GRM8: variants seen among roughly 807,000 people sequenced by gnomAD.
The protein encoded by GRM8 is metabotropic glutamate receptor 8.
A neutral mutation model predicts 87.2 loss-of-function variants in GRM8; 47 were observed. The ratio of observed to expected loss-of-function variants is 0.54; its 90% CI spans 0.43 to 0.69. The LOEUF is 0.69. Among genes scored for constraint, GRM8 ranks in the 30% least tolerant of loss-of-function variants. The pLI is 0.00. For synonymous variants in GRM8, 396 were observed against 404.5 expected (o/e 0.98, Z 0.25); for missense variants, 1,019 against 1,139.2 (o/e 0.89, Z 1.52).
intron 9 of GRM8, among the ~76,000 whole-genome samples, chr7:126,491,150 T>C (rs902789235): frequency 6.6e-6 from 1 of 152,064 alleles, no homozygotes; most frequent in Non-Finnish European, 1.5e-5. Context: ...CCAACCAAAC[T>C]GGCTTATCTT....
At chr7:126,634,972 T>C (rs1801704368) in intron 7 of GRM8, among the ~76,000 whole-genome samples, 1 of 152,152 alleles carries the variant, frequency 6.6e-6, no homozygotes, top group South Asian at 2.1e-4. Context: ...GACTCAAACC[T>C]GCCATCACTG....
At chr7:127,204,233 G>A (rs974645215) in intron 2 of GRM8, among the ~76,000 whole-genome samples, 6 of 152,064 alleles carry the variant, frequency 3.9e-5, no homozygotes, top group African/African-American at 1.2e-4. Context: ...CACAGCACAC[G>A]GCTTAACAAT....
chr7:126,610,273 C>A (rs1798786439), intron 7 of GRM8, among the ~76,000 whole-genome samples: 3 of 152,200 alleles, frequency 2.0e-5, no homozygotes, highest in Admixed American at 1.3e-4. Flanking sequence ...AAATGGATCA[C>A]CACCCCAATG....
intron 7 of GRM8, among the ~76,000 whole-genome samples, chr7:126,661,555 G>A (rs1159745788): frequency 2.0e-5 from 3 of 152,142 alleles, no homozygotes; most frequent in African/African-American, 4.8e-5. Context: ...AGCATGAATA[G>A]CCCCGGCTTC....
intron 8 of GRM8, among the ~76,000 whole-genome samples, chr7:126,575,478 C>T (rs906173827): frequency 4.6e-5 from 7 of 151,940 alleles, no homozygotes; most frequent in South Asian, 2.1e-4. Flanking sequence ...CATCCTGAAA[C>T]CATCCCTCTC....
chr7:126,446,228 C>G lies in GRM8; in HGVS notation c.2575G>C (p.Val859Leu). Residue 859 changes from valine to leucine, a missense_variant, in exon 10 of 11, where the codon GTG (valine) becomes CTG (leucine). Physicochemically the swap from Val to Leu is conservative, Grantham distance 32. Coordinates refer to ENST00000339582, the MANE Select transcript of GRM8 (RefSeq NM_000845.3). ...CTTTGCATGGTGGCAGCTGTCACCA[C>G]AGCCTTGAAGCTCCTCTTGCGTTTT... is the stretch of plus-strand genomic sequence containing the variant. ...VQKRKRSFKA[V>L]VTAATMQSKL... is the part of the protein sequence containing the mutation. 6.2e-7 allele frequency: 1 copy of G among 1,613,050 alleles called. No homozygotes were observed. Among genetic ancestry groups the G allele is most frequent in the Non-Finnish European group, 8.5e-7 (1 of 1,179,342 alleles).
chr7:127,047,445 C>T (rs1473013244), intron 3 of GRM8, among the ~76,000 whole-genome samples: 1 of 151,918 alleles, frequency 6.6e-6, no homozygotes, highest in East Asian at 1.9e-4. Flanking sequence ...TACCTTCTTT[C>T]ATGTTTACAT....
chr7:127,170,216 G>A (rs566111195), intron 2 of GRM8, among the ~76,000 whole-genome samples: 2 of 152,010 alleles, frequency 1.3e-5, no homozygotes, highest in Admixed American at 6.6e-5. Flanking sequence ...ATATACAAAC[G>A]GCCAACAAAC....
intron 7 of GRM8, among the ~76,000 whole-genome samples, chr7:126,748,602 G>GA (rs1298945335): frequency 2.5e-5 from 3 of 118,778 alleles, no homozygotes; most frequent in Non-Finnish European, 5.2e-5. Context: ...AGCAGGTCGG[G>GA]TTTTTTTTTT....
At chr7:126,516,819 T>A (rs1159057954) in intron 9 of GRM8, among the ~76,000 whole-genome samples, 1 of 152,150 alleles carries the variant, frequency 6.6e-6, no homozygotes, top group Non-Finnish European at 1.5e-5. Context: ...TCAAAGTTAA[T>A]TTCAACTATG....
intron 3 of GRM8, among the ~76,000 whole-genome samples, chr7:126,954,909 G>C (rs895311136): frequency 6.6e-6 from 1 of 152,142 alleles, no homozygotes; most frequent in African/African-American, 2.4e-5. Context: ...GCAAGGTAGA[G>C]AAAGAAGAAG....
rs17875006 is a variant in GRM8 at position 127,039,365 on chromosome 7, T to G, written c.727+67131A>C. 4.7e-3 allele frequency among the ~76,000 whole-genome samples: 708 copies of G among 152,028 alleles called. 10 individuals carry two copies. Among genetic ancestry groups the G allele is most frequent in the African/African-American group, 0.016 (658 of 41,458 alleles). On this transcript the variant is annotated intron_variant, in intron 3 of 10. Coordinates refer to ENST00000339582, the MANE Select transcript of GRM8 (RefSeq NM_000845.3). Reference sequence around the variant, plus strand: ...CGAAGACACAGGGAGAAAAGAACCATCTAAAAGCCAGAGAGGGAGGCCTCA... The same window carrying G: ...CGAAGACACAGGGAGAAAAGAACCAGCTAAAAGCCAGAGAGGGAGGCCTCA...
chr7:126,565,901 T>A (rs1206650108), intron 8 of GRM8, among the ~76,000 whole-genome samples: 1 of 152,142 alleles, frequency 6.6e-6, no homozygotes, highest in Non-Finnish European at 1.5e-5. Context: ...GGTCAAATGA[T>A]CTTCAGTGAG....
intron 6 of GRM8, among the ~76,000 whole-genome samples, chr7:126,775,636 C>T (rs945735631): frequency 6.6e-6 from 1 of 151,892 alleles, no homozygotes; most frequent in African/African-American, 2.4e-5. Context: ...GTGCACCTCC[C>T]ATACTGAAGA....
chr7:126,506,866 A>G (rs1810555835), intron 9 of GRM8, among the ~76,000 whole-genome samples: 1 of 152,112 alleles, frequency 6.6e-6, no homozygotes, highest in African/African-American at 2.4e-5. Context: ...ATATGTATGT[A>G]ACTGAAAGGC....
At chr7:126,924,469 G>A (rs1220319167) in intron 3 of GRM8, among the ~76,000 whole-genome samples, 4 of 152,112 alleles carry the variant, frequency 2.6e-5, no homozygotes, top group East Asian at 1.9e-4. Flanking sequence ...ACAGTAACTC[G>A]TGCAACATCA....
intron 2 of GRM8, among the ~76,000 whole-genome samples, chr7:127,174,476 C>A (rs990141988): frequency 6.6e-6 from 1 of 152,186 alleles, no homozygotes; most frequent in Non-Finnish European, 1.5e-5. Context: ...CTCCTGGTAG[C>A]CTAATTGGTC....
At chr7:127,213,323 C>T (rs1056370714) in intron 2 of GRM8, among the ~76,000 whole-genome samples, 1 of 152,188 alleles carries the variant, frequency 6.6e-6, no homozygotes, top group Non-Finnish European at 1.5e-5. Flanking sequence ...CTAGCCTAAA[C>T]TACTGAGATG....
intron 8 of GRM8, among the ~76,000 whole-genome samples, chr7:126,535,552 T>A (rs1190249594): frequency 6.6e-6 from 1 of 152,196 alleles, no homozygotes; most frequent in South Asian, 2.1e-4. Context: ...TGCAATTGTG[T>A]TTATACCTAC....
Sources: allele counts gnomAD v4.1 joint callset (sites outside exome capture counted in the v4.1 genomes callset), GRCh38; gene constraint gnomAD v4.1.1; transcripts MANE v1.5; gene names NCBI Gene and HGNC (gene_info 2026-07-23, HGNC 2026-07-21).